PABPC4L: variants seen among roughly 807,000 people sequenced by gnomAD.
PABPC4L encodes the protein poly(A) binding protein cytoplasmic 4 like, also known as polyadenylate-binding protein 4-like.
For missense variants in PABPC4L, 452 were observed against 451.4 expected, an observed-to-expected ratio of 1.00 and a Z score of -0.01; for synonymous variants, 169 against 164.1, an observed-to-expected ratio of 1.03 and a Z score of -0.23.
At chr4:134,135,350 G>A in the PABPC4L span, among the ~76,000 whole-genome samples, 2 of 151,984 alleles carry the variant, frequency 1.3e-5, no homozygotes, top group Non-Finnish European at 2.9e-5. Flanking sequence ...TCCTTTGCTG[G>A]TACTTTCTGA....
chr4:134,088,868 T>C, the PABPC4L span, among the ~76,000 whole-genome samples: 3 of 152,176 alleles, frequency 2.0e-5, no homozygotes, highest in African/African-American at 7.2e-5. Flanking sequence ...CAAATCTTTA[T>C]TACATAGGCT....
the PABPC4L span, among the ~76,000 whole-genome samples, chr4:134,001,899 A>G: frequency 3.3e-5 from 5 of 152,196 alleles, no homozygotes; most frequent in African/African-American, 9.6e-5. Flanking sequence ...GAAACTCAGT[A>G]GTGTTCATGG....
the PABPC4L span, among the ~76,000 whole-genome samples, chr4:133,994,751 C>T: frequency 3.3e-5 from 5 of 152,078 alleles, no homozygotes; most frequent in South Asian, 1.0e-3. Flanking sequence ...GCATTGGGGA[C>T]CCAGTATGGT....
chr4:134,074,010 A>G, the PABPC4L span, among the ~76,000 whole-genome samples: 1 of 152,116 alleles, frequency 6.6e-6, no homozygotes, highest in Non-Finnish European at 1.5e-5. Context: ...CATGCCCTGG[A>G]GACATTTTCT....
Position 134,200,447 on chromosome 4 carries a change from A to C in PABPC4L, c.573T>G (p.Asn191Lys). Reference protein sequence around the residue: ...ELRSKASEFTNVYIKNFGGDM... With the variant: ...ELRSKASEFTKVYIKNFGGDM... Reference sequence around the variant, plus strand: ...CACCTCCAAAGTTTTTTATGTAAACATTGGTGAATTCACTGGCTTTGCTTC... The same window carrying C: ...CACCTCCAAAGTTTTTTATGTAAACCTTGGTGAATTCACTGGCTTTGCTTC... Residue 191 changes from asparagine (N) to lysine (K), a missense_variant, in exon 2 of 2, where the codon AAT (asparagine) becomes AAG (lysine). By Grantham distance (94) the Asn-to-Lys change is moderately conservative. Coordinates refer to ENST00000421491, the MANE Select transcript of PABPC4L (RefSeq NM_001114734.2). 4 of 1,551,834 alleles carry C rather than the reference A, an allele frequency of 2.6e-6. No homozygotes were observed. Among genetic ancestry groups the C allele is most frequent in the Non-Finnish European group, 3.5e-6 (4 of 1,147,054 alleles).
At chr4:134,167,562 A>C in the PABPC4L span, among the ~76,000 whole-genome samples, 1 of 151,924 alleles carries the variant, frequency 6.6e-6, no homozygotes. Flanking sequence ...ATAAGGACAC[A>C]TAATAGAGTT....
chr4:134,147,206 C>T, the PABPC4L span, among the ~76,000 whole-genome samples: 14 of 152,048 alleles, frequency 9.2e-5, 1 homozygote, highest in South Asian at 2.3e-3. Context: ...CTCATAGTTT[C>T]GTATTTTTAA....
chr4:134,110,030 A>G, the PABPC4L span, among the ~76,000 whole-genome samples: 1 of 152,220 alleles, frequency 6.6e-6, no homozygotes, highest in African/African-American at 2.4e-5. Flanking sequence ...AAGGTGAAAT[A>G]AGTTAATGCA....
the PABPC4L span, among the ~76,000 whole-genome samples, chr4:134,004,080 C>T: frequency 7.9e-5 from 12 of 151,816 alleles, no homozygotes; most frequent in South Asian, 2.1e-4. Context: ...CACTGGTTTA[C>T]GCAATGATTT....
the PABPC4L span, among the ~76,000 whole-genome samples, chr4:134,048,997 T>G: frequency 7.2e-5 from 11 of 152,204 alleles, 1 homozygote; most frequent in East Asian, 1.9e-3. Context: ...AATTTGGGGC[T>G]TCTGGGTCAT....
At chr4:134,137,232 A>C in the PABPC4L span, among the ~76,000 whole-genome samples, 1 of 151,902 alleles carries the variant, frequency 6.6e-6, no homozygotes, top group Non-Finnish European at 1.5e-5. Flanking sequence ...AATTCTTAAC[A>C]AAAAATGAAA....
At chr4:134,184,575 C>A in the PABPC4L span, among the ~76,000 whole-genome samples, 3 of 151,942 alleles carry the variant, frequency 2.0e-5, no homozygotes, top group East Asian at 5.8e-4. Context: ...GGCTTGACAG[C>A]TCATTTTGTT....
chr4:133,983,661 T>G, the PABPC4L span, among the ~76,000 whole-genome samples: 3 of 151,882 alleles, frequency 2.0e-5, no homozygotes, highest in South Asian at 6.2e-4. Flanking sequence ...AAAATTTTAT[T>G]CTTTCAGATT....
At chr4:134,130,261 A>T in the PABPC4L span, among the ~76,000 whole-genome samples, 1 of 152,048 alleles carries the variant, frequency 6.6e-6, no homozygotes, top group East Asian at 1.9e-4. Flanking sequence ...TTGAAAAATT[A>T]ATTAAAATTG....
the PABPC4L span, among the ~76,000 whole-genome samples, chr4:134,120,369 T>C: frequency 6.7e-6 from 1 of 149,742 alleles, no homozygotes; most frequent in Non-Finnish European, 1.5e-5. Context: ...ATAATTAATT[T>C]AATATTGTGT....
the PABPC4L span, among the ~76,000 whole-genome samples, chr4:134,105,040 C>T: frequency 6.6e-6 from 1 of 151,662 alleles, no homozygotes; most frequent in South Asian, 2.1e-4. Flanking sequence ...CTTAAAACCA[C>T]TAAGGTATAA....
chr4:134,194,685 C>T (rs1334946861), downstream of PABPC4L, among the ~76,000 whole-genome samples: 1 of 151,696 alleles, frequency 6.6e-6, no homozygotes, highest in Non-Finnish European at 1.5e-5. Context: ...ATTTGTTCCA[C>T]CTGTACAGTA....
At chr4:134,057,879 G>T in the PABPC4L span, among the ~76,000 whole-genome samples, 5 of 151,964 alleles carry the variant, frequency 3.3e-5, no homozygotes, top group South Asian at 1.0e-3. Flanking sequence ...GTTATACAAA[G>T]ATATCTACTT....
the PABPC4L span, among the ~76,000 whole-genome samples, chr4:134,018,649 A>T: frequency 6.6e-6 from 1 of 152,090 alleles, no homozygotes; most frequent in African/African-American, 2.4e-5. Flanking sequence ...CTCTTTTGCC[A>T]GGTTATTCTA....
Sources: allele counts gnomAD v4.1 joint callset (sites outside exome capture counted in the v4.1 genomes callset), GRCh38; gene constraint gnomAD v4.1.1; transcripts MANE v1.5; gene names NCBI Gene and HGNC (gene_info 2026-07-23, HGNC 2026-07-21).